ZNF114: variants seen among roughly 807,000 people sequenced by gnomAD.
The protein encoded by ZNF114 is zinc finger protein 114, also known as zinc finger protein 114 (Y18).
ZNF114 carries 8 observed loss-of-function variants against 6.8 expected under a neutral mutation model. The observed-to-expected ratio is 1.18, with a 90% CI of 0.69 to 2.13. The LOEUF (loss-of-function observed/expected upper bound fraction) is 2.13, where lower values mean the gene tolerates loss of function less well. ZNF114 is among the 30% of genes most tolerant of loss of function. The pLI is 0.00. For synonymous variants in ZNF114, 169 were observed against 185.5 expected (o/e 0.91, Z 0.72); for missense variants, 472 against 519.5 (o/e 0.91, Z 0.89).
intron 5 of ZNF114, among the ~76,000 whole-genome samples, chr19:48,283,388 T>C (rs574155918): frequency 7.9e-5 from 12 of 152,338 alleles, no homozygotes; most frequent in African/African-American, 2.9e-4. Context: ...TGTGTCCATT[T>C]GACAGAAAGT....
At chr19:48,272,134 G>T (rs1423124477) in intron 3 of ZNF114, among the ~76,000 whole-genome samples, 1 of 152,196 alleles carries the variant, frequency 6.6e-6, no homozygotes, top group Non-Finnish European at 1.5e-5. Flanking sequence ...GAGCTGGCCG[G>T]GCGCGGTGGC....
chr19:48,275,458 A>ACACACACACACACACACACACAC (rs1600837639), intron 3 of ZNF114, among the ~76,000 whole-genome samples: 2 of 145,270 alleles, frequency 1.4e-5, no homozygotes, highest in African/African-American at 2.6e-5. Flanking sequence ...ACACACACAC[A>ACACACACACACACACACACACAC]AAATAGCCAG....
intron 3 of ZNF114, among the ~76,000 whole-genome samples, chr19:48,272,621 C>CTTTTTTTTTTTTTTT (rs1568989041): frequency 4.4e-4 from 55 of 124,916 alleles, no homozygotes; most frequent in African/African-American, 1.5e-3. Context: ...TTGCAGTGAG[C>CTTTTTTTTTTTTTTT]CGAGATCGTG....
intron 1 of ZNF114, among the ~76,000 whole-genome samples, chr19:48,270,481 AG>A (rs1421455409): frequency 1.4e-5 from 2 of 140,274 alleles, no homozygotes; most frequent in Admixed American, 7.2e-5. Context: ...GGAGAGAGGA[AG>A]GGGGGAAGGA....
intron 1 of ZNF114, 129 bp downstream of exon 1, chr19:48,270,348 C>T (rs12982969): frequency 0.042 from 6,115 of 146,806 alleles, 265 homozygotes; most frequent in Middle Eastern, 0.14. Flanking sequence ...GCCAAGATTG[C>T]GCCACTGCAC....
At chr19:48,272,970 T>A (rs1324342144) in intron 3 of ZNF114, among the ~76,000 whole-genome samples, 2 of 152,002 alleles carry the variant, frequency 1.3e-5, no homozygotes, top group Non-Finnish European at 2.9e-5. Context: ...TAATTTTTTG[T>A]ATTTTTAGTA....
At chr19:48,273,661 T>G (rs1465087811) in intron 3 of ZNF114, among the ~76,000 whole-genome samples, 2 of 151,958 alleles carry the variant, frequency 1.3e-5, no homozygotes, top group Non-Finnish European at 2.9e-5. Flanking sequence ...GAATGTTGTG[T>G]CTCAAAAACT....
At chr19:48,274,482 TTATATA>T (rs1160853614) in intron 3 of ZNF114, among the ~76,000 whole-genome samples, 2 of 139,740 alleles carry the variant, frequency 1.4e-5, no homozygotes, top group Admixed American at 7.2e-5. Flanking sequence ...AAAAAAACTT[TTATATA>T]TATATATATA....
At chr19:48,272,455 A>G (rs1176203831) in intron 3 of ZNF114, among the ~76,000 whole-genome samples, 4 of 142,084 alleles carry the variant, frequency 2.8e-5, no homozygotes, top group African/African-American at 5.3e-5. Flanking sequence ...TTAGCCGGGC[A>G]TGGTGGCGGG....
chr19:48,286,111 G>A lies in ZNF114; in HGVS notation c.487G>A (p.Val163Ile). The change falls in exon 6 of 6, where the codon GTC becomes ATC. Residue 163 changes from valine to isoleucine, a missense_variant. By Grantham distance (29) the Val-to-Ile change is conservative (BLOSUM62 3). Coordinates refer to ENST00000595607, the MANE Select transcript of ZNF114 (RefSeq NM_153608.4). ...CTCAAGTATTTTCAAGTATAATCCTGTCTTAAACGATAGTCAAAAAACACA... is the reference window on the plus strand; with the variant it reads ...CTCAAGTATTTTCAAGTATAATCCTATCTTAAACGATAGTCAAAAAACACA... ...RDSSIFKYNP[V>I]LNDSQKTHEN... 2 of 1,614,126 alleles carry A rather than the reference G, an allele frequency of 1.2e-6. No homozygotes were observed. Among genetic ancestry groups the A allele is most frequent in the South Asian group, 2.2e-5 (2 of 91,086 alleles).
At chr19:48,276,499 G>A (rs1386158563) in intron 3 of ZNF114, among the ~76,000 whole-genome samples, 4 of 152,054 alleles carry the variant, frequency 2.6e-5, no homozygotes. Flanking sequence ...TCCTGAATCA[G>A]TTGTTTTATT....
chr19:48,280,980 C>G (rs1967972384), intron 4 of ZNF114, among the ~76,000 whole-genome samples: 1 of 152,032 alleles, frequency 6.6e-6, no homozygotes, highest in African/African-American at 2.4e-5. Flanking sequence ...CTCAGGTACT[C>G]TTTTTCCTGA....
intron 3 of ZNF114, among the ~76,000 whole-genome samples, chr19:48,274,452 T>C (rs1012511430): frequency 6.7e-6 from 1 of 150,232 alleles, no homozygotes; most frequent in African/African-American, 2.4e-5. Context: ...TGGGGGTTTG[T>C]TTTTGTTTTG....
At position 48,286,521 on chromosome 19, in the gene ZNF114, T is replaced by A; in HGVS notation, c.897T>A (p.Thr299=). ...CCGGTTCACACAAGAGTCATTGCAC[T>A]GGAGAGAAAACCCATAAATGCCCCG... ...PNSGSHKSHC[T]GEKTHKCPEC... Residue 299 remains threonine (T), a synonymous_variant, in exon 6 of 6, where the codon ACT becomes ACA. Coordinates refer to ENST00000595607, the MANE Select transcript of ZNF114 (RefSeq NM_153608.4). 1 of 1,614,206 alleles carries A rather than the reference T, an allele frequency of 6.2e-7. No individual in the cohort carries two copies. The highest frequency in any genetic ancestry group is 8.5e-7 in the Non-Finnish European group (1 of 1,180,040).
chr19:48,271,292 C>T lies in ZNF114; in HGVS notation c.-329C>T, dbSNP rs1226579729. On this transcript the variant is annotated 5_prime_UTR_variant, in exon 2 of 6. Transcript: ENST00000595607. ...TCTTTCCTTGGGAAATGCAGGAAGCCAGCAAGCGGCCGGAGTCTCCGGAGC... is the reference window on the plus strand; with the variant it reads ...TCTTTCCTTGGGAAATGCAGGAAGCTAGCAAGCGGCCGGAGTCTCCGGAGC... 6.6e-6 allele frequency: 1 copy of T among 152,298 alleles called. No individual in the cohort carries two copies. Among genetic ancestry groups the T allele is most frequent in the East Asian group, 1.9e-4 (1 of 5,190 alleles). The allele number at this position is 152,298 out of a possible 1,614,324, so 9.4% of individuals were successfully genotyped here. A position where few individuals can be genotyped will look rare whatever the true frequency, so the allele number is the denominator to read the frequency against.
intron 3 of ZNF114, among the ~76,000 whole-genome samples, chr19:48,274,709 T>C (rs1967778924): frequency 6.6e-6 from 1 of 151,802 alleles, no homozygotes; most frequent in African/African-American, 2.4e-5. Context: ...TTTCTCCATG[T>C]TGGTCAGGCT....
chr19:48,274,601 G>T (rs1967777155), intron 3 of ZNF114, among the ~76,000 whole-genome samples: 1 of 151,008 alleles, frequency 6.6e-6, no homozygotes. Context: ...CTGCCTTCCA[G>T]GTTCAAGTAA....
At chr19:48,271,928 G>C (rs1352407814) in intron 3 of ZNF114, 100 bp downstream of exon 3, 1 of 152,254 alleles carries the variant, frequency 6.6e-6, no homozygotes, top group Non-Finnish European at 1.5e-5. Flanking sequence ...CTACCCTTCC[G>C]GGAGGAAAGG....
rs1968136984 is a variant in ZNF114 at position 48,286,563 on chromosome 19, T to G, written c.939T>G (p.Phe313Leu). Residue 313 changes from phenylalanine (F) to leucine (L), a missense_variant, in exon 6 of 6, where the codon TTT (phenylalanine) becomes TTG (leucine). Phe to Leu is a conservative substitution (Grantham distance 22). Transcript: ENST00000595607. Reference sequence around the variant, plus strand: ...AATGCCCCGAATGTGGGAGAGCCTTTTTTTATCAGTCATTCCTTATGAGAC... The same window carrying G: ...AATGCCCCGAATGTGGGAGAGCCTTGTTTTATCAGTCATTCCTTATGAGAC... The part of the protein sequence containing the change: ...THKCPECGRA[F>L]FYQSFLMRHM... 6.2e-7 allele frequency: 1 copy of G among 1,614,138 alleles called. No homozygotes were observed. The highest frequency in any genetic ancestry group is 1.3e-5 in the African/African-American group (1 of 75,054).
Sources: allele counts gnomAD v4.1 joint callset (sites outside exome capture counted in the v4.1 genomes callset), GRCh38; gene constraint gnomAD v4.1.1; transcripts MANE v1.5; gene names NCBI Gene and HGNC (gene_info 2026-07-23, HGNC 2026-07-21).